The following NPAS3 variants were observed in gnomAD, a reference collection of about 807,000 sequenced individuals.
The protein encoded by NPAS3 is neuronal PAS domain-containing protein 3.
In NPAS3, 14 loss-of-function variants were observed where a neutral mutation model predicts 73.1. The ratio of observed to expected loss-of-function variants is 0.19; its 90% CI spans 0.13 to 0.30. NPAS3 has a LOEUF of 0.30. NPAS3 is among the 10% of genes least tolerant of loss of function. The probability of loss-of-function intolerance (pLI) is 1.00; values close to 1 mark genes in which losing one functional copy is unlikely to be tolerated. For missense variants in NPAS3, 1,096 were observed against 1,250.0 expected (o/e 0.88, Z 1.86); for synonymous variants, 620 against 541.5 (o/e 1.14, Z -2.01).
At chr14:33,415,605 AG>A (rs1419753899) in intron 4 of NPAS3, among the ~76,000 whole-genome samples, 1 of 152,144 alleles carries the variant, frequency 6.6e-6, no homozygotes, top group Non-Finnish European at 1.5e-5. Context: ...CACAGACTAC[AG>A]CATCCCATTG....
chr14:33,026,486 A>G (rs17099935), intron 1 of NPAS3, among the ~76,000 whole-genome samples: 5,413 of 150,830 alleles, frequency 0.036, 284 homozygotes, highest in African/African-American at 0.12. Context: ...GAAGTCACTC[A>G]TGTTAACGGA....
intron 4 of NPAS3, among the ~76,000 whole-genome samples, chr14:33,376,985 T>G (rs1256258873): frequency 6.6e-6 from 1 of 152,196 alleles, no homozygotes; most frequent in Non-Finnish European, 1.5e-5. Context: ...AAAATCCTGA[T>G]GCTTATCAGA....
intron 5 of NPAS3, among the ~76,000 whole-genome samples, chr14:33,600,971 CA>C (rs1161665966): frequency 2.6e-5 from 4 of 152,002 alleles, no homozygotes; most frequent in Non-Finnish European, 4.4e-5. Context: ...GGTAAGCAGA[CA>C]TTTTTTTTTC....
chr14:33,787,044 T>C (rs888551476), intron 9 of NPAS3, among the ~76,000 whole-genome samples: 2 of 134,318 alleles, frequency 1.5e-5, no homozygotes, highest in African/African-American at 3.1e-5. Context: ...ATATAACAAA[T>C]TCCCCCCCCA....
intron 4 of NPAS3, among the ~76,000 whole-genome samples, chr14:33,415,072 G>A (rs2048093309): frequency 6.6e-6 from 1 of 152,040 alleles, no homozygotes. Flanking sequence ...ATATGCATAA[G>A]ACTATACTTC....
chr14:33,678,215 C>G (rs535147638), intron 6 of NPAS3, among the ~76,000 whole-genome samples: 1 of 152,312 alleles, frequency 6.6e-6, no homozygotes, highest in East Asian at 1.9e-4. Context: ...TGATAGGAAG[C>G]TCATGAACTT....
chr14:33,511,474 A>T (rs2053047837), intron 4 of NPAS3, among the ~76,000 whole-genome samples: 1 of 152,104 alleles, frequency 6.6e-6, no homozygotes, highest in South Asian at 2.1e-4. Flanking sequence ...TCTAAACAAG[A>T]TCGAAGGATA....
rs974411974 is a variant in NPAS3, at chr14:33,110,045, C to G, written c.140+54051C>G. Among the ~76,000 whole-genome samples, 7 of 151,634 alleles carry G rather than the reference C, an allele frequency of 4.6e-5. No homozygotes were observed. In the East Asian group the frequency reaches 9.7e-4, roughly 21 times the overall value. On this transcript the variant is annotated intron_variant, in intron 2 of 11. Coordinates refer to ENST00000356141, the Ensembl canonical transcript of NPAS3. ...ACGAAGGCTATTTCTGTGTCCTGGCCGAGAGCTCTCTGTAATAGTATTTTG... is the reference window on the plus strand; with the variant it reads ...ACGAAGGCTATTTCTGTGTCCTGGCGGAGAGCTCTCTGTAATAGTATTTTG...
At chr14:33,460,396 T>C (rs544980063) in intron 4 of NPAS3, among the ~76,000 whole-genome samples, 181 of 152,264 alleles carry the variant, frequency 1.2e-3, no homozygotes, top group Middle Eastern at 6.8e-3. Context: ...TAACTCCAAG[T>C]TTCTGTCTCT....
chr14:33,438,073 A>T (rs1430738280), intron 4 of NPAS3, among the ~76,000 whole-genome samples: 3 of 152,240 alleles, frequency 2.0e-5, no homozygotes, highest in African/African-American at 7.2e-5. Flanking sequence ...GGAAAATAAT[A>T]TATGTATGTC....
intron 7 of NPAS3, among the ~76,000 whole-genome samples, chr14:33,764,452 A>G (rs1404729908): frequency 6.6e-6 from 1 of 152,228 alleles, no homozygotes; most frequent in African/African-American, 2.4e-5. Context: ...ATATTTACGT[A>G]ATTTCTTTTC....
At chr14:33,364,298 T>C (rs2045736592) in intron 3 of NPAS3, among the ~76,000 whole-genome samples, 1 of 152,216 alleles carries the variant, frequency 6.6e-6, no homozygotes, top group African/African-American at 2.4e-5. Context: ...CAGTATTCTT[T>C]AGTTATCAGA....
intron 3 of NPAS3, among the ~76,000 whole-genome samples, chr14:33,227,517 A>AG (rs1425682721): frequency 1.3e-5 from 2 of 152,216 alleles, no homozygotes; most frequent in African/African-American, 4.8e-5. Context: ...TCCAAGATCA[A>AG]GGTACCAGCA....
chr14:33,358,255 G>A (rs763720111), intron 3 of NPAS3, among the ~76,000 whole-genome samples: 25 of 152,140 alleles, frequency 1.6e-4, no homozygotes, highest in Admixed American at 1.5e-3. Context: ...GGGGGAGAGA[G>A]AATTGTAAAG....
chr14:33,217,429 A>C (rs1479145077), intron 3 of NPAS3, among the ~76,000 whole-genome samples: 2 of 152,208 alleles, frequency 1.3e-5, no homozygotes, highest in Non-Finnish European at 2.9e-5. Flanking sequence ...GGCTATCTTT[A>C]TTCCAGATCA....
rs1263339460 is a variant in NPAS3, at chr14:33,299,063, C to T, written c.386-68123C>T. ...TGACAGGTCCATTTGCACGCCTTCT[C>T]ATGGATTCTTGCCTTTAAGGCCCCA... On this transcript the variant is annotated intron_variant, in intron 3 of 11. Coordinates refer to ENST00000356141, the Ensembl canonical transcript of NPAS3. Among the ~76,000 whole-genome samples the T allele has an allele frequency of 3.9e-5, 6 of 152,320 alleles. No individual in the cohort carries two copies. In the East Asian group the frequency reaches 1.2e-3, roughly 29 times the overall value.
rs867715702 is a variant in NPAS3 at position 32,943,700 on chromosome 14, T to C, written c.50+4334T>C. Among the ~76,000 whole-genome samples the C allele has an allele frequency of 2.7e-4, 41 of 150,636 alleles. No homozygotes were observed. The Middle Eastern group carries it at 0.021, about 75-fold the overall frequency. ...TTTATTTCTTTTCTTTTTCTTTTTT[T>C]TTTTTTTTTTAGACAGAGTCTTGCT... On this transcript the variant is annotated intron_variant, in intron 1 of 11. Coordinates refer to ENST00000356141, the Ensembl canonical transcript of NPAS3.
intron 2 of NPAS3, among the ~76,000 whole-genome samples, chr14:33,175,001 A>T (rs551411189): frequency 6.6e-6 from 1 of 152,180 alleles, no homozygotes; most frequent in Non-Finnish European, 1.5e-5. Context: ...AAGGAAACAA[A>T]CATTGAGGAA....
chr14:33,756,476 A>T (rs2062118807), intron 7 of NPAS3, among the ~76,000 whole-genome samples: 1 of 152,226 alleles, frequency 6.6e-6, no homozygotes, highest in Admixed American at 6.5e-5. Flanking sequence ...TCAAAATAGC[A>T]ATTGGGAGTG....
Sources: allele counts gnomAD v4.1 joint callset (sites outside exome capture counted in the v4.1 genomes callset), GRCh38; gene constraint gnomAD v4.1.1; transcripts MANE v1.5; gene names NCBI Gene and HGNC (gene_info 2026-07-23, HGNC 2026-07-21).